The following CACNB1 variants were observed in gnomAD, a reference collection of about 807,000 sequenced individuals.
CACNB1 encodes calcium voltage-gated channel auxiliary subunit beta 1, also known as voltage-dependent L-type calcium channel subunit beta-1.
In CACNB1, 29 loss-of-function variants were observed where a neutral mutation model predicts 71.6. That is an observed-to-expected ratio of 0.40 (90% CI 0.30 to 0.55). The LOEUF (loss-of-function observed/expected upper bound fraction) is 0.55. CACNB1 is among the 20% of genes least tolerant of loss of function. The probability of loss-of-function intolerance (pLI) is 0.38; values close to 1 mark genes in which losing one functional copy is unlikely to be tolerated. For missense variants in CACNB1, 623 were observed against 801.8 expected, an observed-to-expected ratio of 0.78 and a Z score of 2.69; for synonymous variants, 300 against 319.6, an observed-to-expected ratio of 0.94 and a Z score of 0.65.
In CACNB1 at chr17:39,173,727, A is replaced by AT. The variant is rs1480015095; in HGVS notation, c.*1465dup. The AT allele has an allele frequency of 1.3e-5, 2 of 152,528 alleles. No homozygotes were observed. Among genetic ancestry groups the AT allele is most frequent in the African/African-American group, 4.8e-5 (2 of 41,468 alleles). 9.4% of individuals were successfully genotyped at this position (152,528 alleles called of 1,614,324 possible). A position where few individuals can be genotyped will look rare whatever the true frequency, so the allele number is the denominator to read the frequency against. ...CACCCACCCTTTCAACTCCCCGTGC[A>AT]TATCAGCAGCTCCCAGGTGCCTACG... is the stretch of plus-strand genomic sequence containing the variant. On this transcript the variant is annotated 3_prime_UTR_variant, in exon 14 of 14. Transcript: ENST00000394303.
At chr17:39,183,914 G>C (rs773592624) in intron 10 of CACNB1, 50 bp from the exon 11 acceptor site, 14 of 1,592,040 alleles carry the variant, frequency 8.8e-6, no homozygotes, top group Non-Finnish European at 1.2e-5. Context: ...GGCCTCCCAG[G>C]AACAGCAGGT....
chr17:39,182,590 C>G, intron 11 of CACNB1, among the ~76,000 whole-genome samples: 1 of 150,706 alleles, frequency 6.6e-6, no homozygotes, highest in East Asian at 2.0e-4. Context: ...TAGTCCCAGC[C>G]ACTCAGGAGG....
chr17:39,181,907 A>G (rs1448640614), intron 11 of CACNB1, among the ~76,000 whole-genome samples: 1 of 152,136 alleles, frequency 6.6e-6, no homozygotes, highest in Non-Finnish European at 1.5e-5. Flanking sequence ...TCACACCTGT[A>G]ATCCTAGAAC....
chr17:39,178,053 T>C lies in CACNB1; in HGVS notation c.1077A>G (p.Arg359=). 1 of 1,614,082 alleles carries C rather than the reference T, an allele frequency of 6.2e-7. No homozygotes were observed. Among genetic ancestry groups the C allele is most frequent in the Non-Finnish European group, 8.5e-7 (1 of 1,179,974 alleles). ...PKVLQRLIKS[R]GKSQSKHLNV... is the part of the protein sequence containing the mutation. ...TGAGGTGTTTGGACTGAGACTTTCC[T>C]CGGGACTTGATGAGCCTTTGAAGTA... The change falls in exon 12 of 14, where the codon CGA becomes CGG. Residue 359 remains arginine (R), a synonymous_variant. Transcript: ENST00000394303.
At chr17:39,178,536 T>C (rs1567792683) in intron 11 of CACNB1, among the ~76,000 whole-genome samples, 1 of 152,000 alleles carries the variant, frequency 6.6e-6, no homozygotes, top group East Asian at 1.9e-4. Flanking sequence ...CGTGCCATCA[T>C]ACCCCACTAA....
intron 3 of CACNB1, 88 bp from the exon 4 acceptor site, chr17:39,187,689 G>T: frequency 7.0e-7 from 1 of 1,434,258 alleles, no homozygotes; most frequent in Non-Finnish European, 9.8e-7. Flanking sequence ...TGGTTACTTG[G>T]ATGTTTACTT....
chr17:39,190,214 G>T (rs2046041013), intron 3 of CACNB1, among the ~76,000 whole-genome samples: 1 of 151,912 alleles, frequency 6.6e-6, no homozygotes, highest in African/African-American at 2.4e-5. Context: ...TTGCACCCAG[G>T]AGTTCAAGAC....
rs2045612369 is a variant in CACNB1 at position 39,177,437 on chromosome 17, G to T, written c.1245C>A (p.Pro415=). 6.2e-7 allele frequency: 1 copy of T among 1,613,698 alleles called. No individual in the cohort carries two copies. Among genetic ancestry groups the T allele is most frequent in the Non-Finnish European group, 8.5e-7 (1 of 1,179,836 alleles). Residue 415 remains proline, a synonymous_variant, in exon 13 of 14, where the codon CCC becomes CCA. Transcript: ENST00000394303. ...GCAGCGGATTGGGTGGCGTGCTGCT[G>T]GGCGGGTGTGTGGCCTTCCAATAGG... The part of the protein sequence containing the change: ...LEAYWKATHP[P]SSTPPNPLLN...
chr17:39,190,387 A>C (rs767399916), intron 3 of CACNB1, among the ~76,000 whole-genome samples: 53 of 152,126 alleles, frequency 3.5e-4, no homozygotes, highest in Non-Finnish European at 6.9e-4. Context: ...AGTGACAGAG[A>C]GAGACCCTGT....
chr17:39,177,283 C>A (rs775553173), intron 13 of CACNB1, 67 bp downstream of exon 13: 1 of 1,609,322 alleles, frequency 6.2e-7, no homozygotes, highest in South Asian at 1.1e-5. Context: ...ACCACACTGC[C>A]CCGCTGTGAG....
At chr17:39,189,377 T>TAAA (rs2046017690) in intron 3 of CACNB1, among the ~76,000 whole-genome samples, 1 of 150,580 alleles carries the variant, frequency 6.6e-6, no homozygotes, top group African/African-American at 2.4e-5. Context: ...TAAAATAAAA[T>TAAA]AAAATAATAA....
chr17:39,175,688 C>T lies in CACNB1; in HGVS notation c.1333-31G>A. Reference sequence around the variant, plus strand: ...TAGCAGACGGACAGCACACACCATGCAGATCAGGCAGGGGTGAGAAAAACA... The same window carrying T: ...TAGCAGACGGACAGCACACACCATGTAGATCAGGCAGGGGTGAGAAAAACA... On this transcript the variant is annotated intron_variant, in intron 13 of 13. Transcript: ENST00000394303. This position sits in a 1 kb window ranked among gnomAD's most constrained non-coding sequence, Gnocchi z 4.7. The T allele has an allele frequency of 6.8e-7, 1 of 1,471,608 alleles. No homozygotes were observed. The allele number at this position is 1,471,608 out of a possible 1,614,324, so 91.2% of individuals were successfully genotyped here.
At chr17:39,196,097 C>G (rs2046195979) in intron 1 of CACNB1, among the ~76,000 whole-genome samples, 1 of 152,100 alleles carries the variant, frequency 6.6e-6, no homozygotes. Flanking sequence ...CCCTTGGTCT[C>G]CATCCTAGAC....
In CACNB1 at chr17:39,175,347, C is replaced by A. The variant is rs577003833; in HGVS notation, c.1643G>T (p.Trp548Leu). 6 of 1,614,092 alleles carry A rather than the reference C, an allele frequency of 3.7e-6. No individual in the cohort carries two copies. The highest frequency in any genetic ancestry group is 4.2e-6 in the Non-Finnish European group (5 of 1,180,046). ...GGTPPARQGSWEDEEEDYEEE... is the reference protein window; with the variant it reads ...GGTPPARQGSLEDEEEDYEEE... ...CTCATAGTCTTCTTCCTCGTCCTCC[C>A]AGGATCCCTGTCGGGCTGGGGGCGT... Residue 548 changes from tryptophan (W) to leucine (L), a missense_variant, in exon 14 of 14, where the codon TGG (tryptophan) becomes TTG (leucine). Physicochemically the swap from Trp to Leu is moderately conservative, Grantham distance 61 (BLOSUM62 -2). Transcript: ENST00000394303. This position sits in a 1 kb window ranked among gnomAD's most constrained non-coding sequence, Gnocchi z 4.7.
At chr17:39,189,662 C>T (rs1471139421) in intron 3 of CACNB1, among the ~76,000 whole-genome samples, 7 of 151,294 alleles carry the variant, frequency 4.6e-5, no homozygotes, top group Admixed American at 4.6e-4. Flanking sequence ...TCACACCTGG[C>T]TAGTTTTGTA....
At position 39,175,296 on chromosome 17, in the gene CACNB1, C is replaced by T. The variant is rs779856110; in HGVS notation, c.1694G>A (p.Arg565Gln). The T allele has an allele frequency of 1.7e-5, 27 of 1,614,084 alleles. No individual in the cohort carries two copies. Among genetic ancestry groups the T allele is most frequent in the African/African-American group, 4.0e-5 (3 of 74,932 alleles). Reference sequence around the variant, plus strand: ...GCAGTAGCGGGCCTTATTCCGGCCCCGGTTCCGGTTGTCGGTCAGCTCTTC... The same window carrying T: ...GCAGTAGCGGGCCTTATTCCGGCCCTGGTTCCGGTTGTCGGTCAGCTCTTC... ...YEEELTDNRN[R>Q]GRNKARYCAE... Residue 565 changes from arginine (R) to glutamine (Q), a missense_variant, in exon 14 of 14, where the codon CGG (arginine) becomes CAG (glutamine). By Grantham distance (43) the Arg-to-Gln change is conservative. Transcript: ENST00000394303. This position sits in a 1 kb window ranked among gnomAD's most constrained non-coding sequence, Gnocchi z 4.7.
rs2046169196 is a variant in CACNB1 at position 39,194,828 on chromosome 17, A to G, written c.171+56T>C. The G allele has an allele frequency of 9.7e-6, 12 of 1,237,394 alleles. No individual in the cohort carries two copies. Among genetic ancestry groups the G allele is most frequent in the Middle Eastern group, 2.2e-4 (1 of 4,554 alleles). The allele number at this position is 1,237,394 out of a possible 1,614,324, so 76.7% of individuals were successfully genotyped here. ...ACAATACCGCAGACCTGGCTCACCA[A>G]TGCTGGTCTCCACCAACCAGCCACC... is the stretch of plus-strand genomic sequence containing the variant. On this transcript the variant is annotated intron_variant, in intron 2 of 13. Coordinates refer to ENST00000394303, the MANE Select transcript of CACNB1 (RefSeq NM_000723.5). This position sits in a 1 kb window ranked among gnomAD's most constrained non-coding sequence, Gnocchi z 4.6.
rs1379118525 is a variant in CACNB1, at chr17:39,197,654, T to A, written c.-159A>T. 8 of 546,670 alleles carry A rather than the reference T, an allele frequency of 1.5e-5. No homozygotes were observed. The highest frequency in any genetic ancestry group is 4.2e-5 in the Admixed American group (1 of 23,542). 33.9% of individuals were successfully genotyped at this position (546,670 alleles called of 1,614,324 possible). A position where few individuals can be genotyped will look rare whatever the true frequency, so the allele number is the denominator to read the frequency against. ...CCTCCTTCCTGCCTTCCCTCGCTCC[T>A]CCCGCTCTCTCCACTGCCGCCGCCG... On this transcript the variant is annotated 5_prime_UTR_variant, in exon 1 of 14. Coordinates refer to ENST00000394303, the MANE Select transcript of CACNB1 (RefSeq NM_000723.5).
Position 39,175,494 on chromosome 17 carries a change from G to A in CACNB1, c.1496C>T (p.Thr499Ile), listed in dbSNP as rs1460004474. 1 of 1,614,090 alleles carries A rather than the reference G, an allele frequency of 6.2e-7. No individual in the cohort carries two copies. The highest frequency in any genetic ancestry group is 8.5e-7 in the Non-Finnish European group (1 of 1,180,032). The part of the protein sequence containing the change: ...GTLRALSRQD[T>I]FDADTPGSRN... ...GCTGCCGGGGGTGTCGGCATCAAAA[G>A]TGTCTTGGCGGGACAGTGCCCGTAG... The change falls in exon 14 of 14, where the codon ACT becomes ATT. Residue 499 changes from threonine (T) to isoleucine (I), a missense_variant. Physicochemically the swap from Thr to Ile is moderately conservative, Grantham distance 89. Coordinates refer to ENST00000394303, the MANE Select transcript of CACNB1 (RefSeq NM_000723.5). This position sits in a 1 kb window ranked among gnomAD's most constrained non-coding sequence, Gnocchi z 4.7.
Sources: allele counts gnomAD v4.1 joint callset (sites outside exome capture counted in the v4.1 genomes callset), GRCh38; gene constraint gnomAD v4.1.1; non-coding constraint Gnocchi (gnomAD v3.1); transcripts MANE v1.5; gene names NCBI Gene and HGNC (gene_info 2026-07-23, HGNC 2026-07-21).